The following SH3BP5 variants were observed in gnomAD, a reference collection of about 807,000 sequenced individuals.
SH3BP5 encodes SH3 domain-binding protein 5.
In SH3BP5, 22 loss-of-function variants were observed where a neutral mutation model predicts 43.3. The ratio of observed to expected loss-of-function variants is 0.51; its 90% CI spans 0.36 to 0.73. The LOEUF (loss-of-function observed/expected upper bound fraction) is 0.73. Ranked by LOEUF, SH3BP5 falls within the 30% of genes least tolerant of loss-of-function variation. The pLI, the probability that SH3BP5 is intolerant of heterozygous loss-of-function variation, is 0.00. For missense variants in SH3BP5, 529 were observed against 586.9 expected (o/e 0.90, Z 1.02); for synonymous variants, 255 against 225.8 (o/e 1.13, Z -1.16).
At chr3:15,259,913 A>G (rs1260874809) in intron 5 of SH3BP5, 110 bp from the exon 6 acceptor site, 1 of 942,208 alleles carries the variant, frequency 1.1e-6, no homozygotes, top group Non-Finnish European at 1.7e-6. Context: ...TCGTCCTTCC[A>G]ATATTTAGTA....
chr3:15,276,327 T>G (rs1474175017), intron 3 of SH3BP5, among the ~76,000 whole-genome samples: 1 of 152,138 alleles, frequency 6.6e-6, no homozygotes, highest in Non-Finnish European at 1.5e-5. Flanking sequence ...AAGCCCCTCA[T>G]TTTTCAAAGG....
chr3:15,260,073 T>A (rs1206602904), intron 5 of SH3BP5: 3 of 504,456 alleles, frequency 5.9e-6, no homozygotes, highest in Non-Finnish European at 1.1e-5. Flanking sequence ...TCTTGGGGAC[T>A]CTGCAACTTA....
chr3:15,258,348 T>C (rs1696300542), intron 7 of SH3BP5, among the ~76,000 whole-genome samples: 1 of 152,088 alleles, frequency 6.6e-6, no homozygotes, highest in African/African-American at 2.4e-5. Context: ...TGAGTGCTTC[T>C]TGGGTGTCAG....
At chr3:15,301,178 G>A (rs552429347) in intron 3 of SH3BP5, among the ~76,000 whole-genome samples, 2 of 152,124 alleles carry the variant, frequency 1.3e-5, no homozygotes, top group Non-Finnish European at 2.9e-5. Flanking sequence ...TGCTAAACGG[G>A]ATTTGAATGA....
intron 4 of SH3BP5, among the ~76,000 whole-genome samples, chr3:15,266,297 C>T (rs541806350): frequency 1.1e-3 from 174 of 152,354 alleles, no homozygotes; most frequent in Non-Finnish European, 1.7e-3. Flanking sequence ...GGGAGGCTGT[C>T]GTGAGCAGCT....
chr3:15,324,594 G>A (rs1428012391), intron 2 of SH3BP5, among the ~76,000 whole-genome samples: 1 of 120 alleles, frequency 8.3e-3, no homozygotes, highest in African/African-American at 0.038. Flanking sequence ...CCCTCCCCCG[G>A]TCTATCTATG....
chr3:15,314,920 C>T (rs2125125976), intron 2 of SH3BP5, among the ~76,000 whole-genome samples: 1 of 152,216 alleles, frequency 6.6e-6, no homozygotes, highest in South Asian at 2.1e-4. Flanking sequence ...TGAGGACTTG[C>T]CACCGTGTTT....
intron 3 of SH3BP5, among the ~76,000 whole-genome samples, chr3:15,274,841 G>A (rs995251133): frequency 3.3e-5 from 5 of 152,140 alleles, no homozygotes; most frequent in South Asian, 2.1e-4. Flanking sequence ...GGTGTGAGCC[G>A]CCACACCCAG....
intron 3 of SH3BP5, among the ~76,000 whole-genome samples, chr3:15,303,624 G>A (rs1490356507): frequency 6.6e-6 from 1 of 151,738 alleles, no homozygotes; most frequent in African/African-American, 2.4e-5. Flanking sequence ...GTTTCAGCAG[G>A]ACGATGGCCA....
rs571519594 is a variant in SH3BP5 at position 15,267,260 on chromosome 3, A to G, written c.495+2453T>C. On this transcript the variant is annotated intron_variant, in intron 4 of 8. Transcript: ENST00000383791. ...ACTCGACACTGTTTCAAAGCCAACC[A>G]TGCAAGTGTGTGTCCTGGAGAAAGA... Among the ~76,000 whole-genome samples, 7 of 152,326 alleles carry G rather than the reference A, an allele frequency of 4.6e-5. No individual in the cohort carries two copies. In the South Asian group the frequency reaches 1.2e-3, roughly 27 times the overall value.
chr3:15,279,154 G>T (rs1697051383), intron 3 of SH3BP5, among the ~76,000 whole-genome samples: 1 of 152,040 alleles, frequency 6.6e-6, no homozygotes. Context: ...TAGGCAACAA[G>T]AGCGAAACTC....
At chr3:15,271,099 C>T (rs9811761) in intron 3 of SH3BP5, among the ~76,000 whole-genome samples, 17,650 of 151,716 alleles carry the variant, frequency 0.12, 2,703 homozygotes, top group African/African-American at 0.35. Flanking sequence ...TTAATTTCAG[C>T]TGGGTGCAAT....
intron 3 of SH3BP5, among the ~76,000 whole-genome samples, chr3:15,290,557 G>A (rs1362308582): frequency 6.6e-6 from 1 of 150,826 alleles, no homozygotes; most frequent in Non-Finnish European, 1.5e-5. Context: ...AAATTAGCCG[G>A]GTATGGTGGC....
intron 4 of SH3BP5, chr3:15,264,518 C>CT (rs1423649509): frequency 6.6e-6 from 1 of 152,132 alleles, no homozygotes; most frequent in Non-Finnish European, 1.5e-5. Context: ...CCCAATTATG[C>CT]TTTTACCTTC....
intron 4 of SH3BP5, among the ~76,000 whole-genome samples, chr3:15,267,239 G>C (rs1423153440): frequency 1.3e-5 from 2 of 152,174 alleles, no homozygotes; most frequent in African/African-American, 4.8e-5. Flanking sequence ...CCAGTTACTC[G>C]ACACTGTTTC....
intron 1 of SH3BP5, among the ~76,000 whole-genome samples, chr3:15,331,530 G>A (rs67626508): frequency 0.16 from 24,116 of 152,108 alleles, 1,927 homozygotes; most frequent in Middle Eastern, 0.29. Context: ...CCTAGATCTC[G>A]GCTTGGAAAT....
At chr3:15,318,530 CAAAA>C (rs59276192) in intron 2 of SH3BP5, among the ~76,000 whole-genome samples, 7 of 105,198 alleles carry the variant, frequency 6.7e-5, no homozygotes, top group East Asian at 2.9e-4. Flanking sequence ...CTGTCAGCTC[CAAAA>C]AAAAAAAAAA....
At chr3:15,286,060 A>G (rs998337123) in intron 3 of SH3BP5, among the ~76,000 whole-genome samples, 6 of 152,250 alleles carry the variant, frequency 3.9e-5, no homozygotes, top group African/African-American at 4.8e-5. Context: ...TGAGGGATCT[A>G]TTATCATGTA....
chr3:15,284,932 A>AC (rs1697225008), intron 3 of SH3BP5, among the ~76,000 whole-genome samples: 2 of 152,174 alleles, frequency 1.3e-5, no homozygotes, highest in Non-Finnish European at 2.9e-5. Context: ...CAGACCCAGG[A>AC]CCTTTGGAGT....
Sources: allele counts gnomAD v4.1 joint callset (sites outside exome capture counted in the v4.1 genomes callset), GRCh38; gene constraint gnomAD v4.1.1; transcripts MANE v1.5; gene names NCBI Gene and HGNC (gene_info 2026-07-23, HGNC 2026-07-21).